The following MYRIP variants were observed in gnomAD, a reference collection of about 807,000 sequenced individuals.
MYRIP encodes rab effector MyRIP.
MYRIP carries 49 observed loss-of-function variants against 98.0 expected under a neutral mutation model. The observed-to-expected ratio is 0.50, with a 90% CI of 0.40 to 0.63. The LOEUF (loss-of-function observed/expected upper bound fraction) is 0.63. Ranked by LOEUF, MYRIP falls within the 30% of genes least tolerant of loss-of-function variation. The pLI is 0.00. For synonymous variants in MYRIP, 404 were observed against 409.5 expected (o/e 0.99, Z 0.16); for missense variants, 1,004 against 1,058.2 (o/e 0.95, Z 0.71).
At position 40,232,684 on chromosome 3, in the gene MYRIP, A is replaced by G. The variant is rs58146067; in HGVS notation, c.1906-1175A>G. Among the ~76,000 whole-genome samples the G allele has an allele frequency of 4.0e-3, 607 of 152,300 alleles. 2 individuals carry two copies. The highest frequency in any genetic ancestry group is 0.014 in the African/African-American group (587 of 41,568). The stretch of plus-strand genomic sequence containing the variant: ...GCCAAGCAACAGTGATCTCCAGCTT[A>G]TTGCATGATGCTATATGTTCAGATG... On this transcript the variant is annotated intron_variant, in intron 11 of 16. Coordinates refer to ENST00000302541, the MANE Select transcript of MYRIP (RefSeq NM_015460.4).
At chr3:40,020,077 A>T (rs1946955495) in intron 2 of MYRIP, among the ~76,000 whole-genome samples, 1 of 152,156 alleles carries the variant, frequency 6.6e-6, no homozygotes, top group African/African-American at 2.4e-5. Context: ...TGTGATACAG[A>T]TAATCCCCAT....
intron 11 of MYRIP, among the ~76,000 whole-genome samples, chr3:40,218,627 T>TA (rs1218264884): frequency 0.016 from 278 of 16,926 alleles, 7 homozygotes; most frequent in African/African-American, 0.024. Context: ...TATATATATA[T>TA]ATATATATAT....
At chr3:39,936,147 G>A (rs1944651608) in intron 2 of MYRIP, among the ~76,000 whole-genome samples, 1 of 152,066 alleles carries the variant, frequency 6.6e-6, no homozygotes, top group South Asian at 2.1e-4. Flanking sequence ...TACTAAACCA[G>A]TATTTCTTTT....
At chr3:40,090,221 G>A (rs983982264) in intron 3 of MYRIP, among the ~76,000 whole-genome samples, 5 of 151,994 alleles carry the variant, frequency 3.3e-5, no homozygotes, top group East Asian at 1.9e-4. Flanking sequence ...TGATGATCAC[G>A]GAGCCCTGTG....
At chr3:40,155,917 A>T (rs1313339870) in intron 4 of MYRIP, among the ~76,000 whole-genome samples, 1 of 151,654 alleles carries the variant, frequency 6.6e-6, no homozygotes, top group Admixed American at 6.6e-5. Flanking sequence ...AGTAGGTTGC[A>T]AAAATTTTCT....
intron 1 of MYRIP, among the ~76,000 whole-genome samples, chr3:39,839,145 T>C (rs1394852874): frequency 6.6e-6 from 1 of 152,158 alleles, no homozygotes; most frequent in Non-Finnish European, 1.5e-5. Flanking sequence ...AGCTCCTGGA[T>C]TCATTGATTT....
At chr3:40,205,572 T>TAG (rs1951769727) in intron 10 of MYRIP, among the ~76,000 whole-genome samples, 1 of 152,168 alleles carries the variant, frequency 6.6e-6, no homozygotes, top group Non-Finnish European at 1.5e-5. Context: ...TTACTTAAAA[T>TAG]GTTTTGTACC....
At chr3:40,237,585 A>G (rs1649818735) in intron 12 of MYRIP, among the ~76,000 whole-genome samples, 1 of 152,192 alleles carries the variant, frequency 6.6e-6, no homozygotes, top group South Asian at 2.1e-4. Context: ...AGCCTGACAC[A>G]GAGGAAGCAC....
intron 2 of MYRIP, among the ~76,000 whole-genome samples, chr3:39,967,569 G>C (rs1945470635): frequency 6.6e-6 from 1 of 152,114 alleles, no homozygotes. Context: ...CTTTATGGTA[G>C]ATGATTTATA....
intron 3 of MYRIP, among the ~76,000 whole-genome samples, chr3:40,139,915 T>C (rs1175236058): frequency 1.3e-5 from 2 of 152,216 alleles, no homozygotes; most frequent in Non-Finnish European, 2.9e-5. Flanking sequence ...ATAGTCCATT[T>C]GTGCATACAA....
chr3:39,994,087 C>A (rs931543843), intron 2 of MYRIP, among the ~76,000 whole-genome samples: 2 of 152,172 alleles, frequency 1.3e-5, no homozygotes, highest in African/African-American at 4.8e-5. Flanking sequence ...TAGGAACAGC[C>A]CCAGTCTACA....
chr3:39,860,834 G>A (rs1406543673), intron 1 of MYRIP, among the ~76,000 whole-genome samples: 1 of 152,202 alleles, frequency 6.6e-6, no homozygotes, highest in Admixed American at 6.5e-5. Flanking sequence ...CCATTGGCAT[G>A]TGTAGGCATG....
intron 2 of MYRIP, among the ~76,000 whole-genome samples, chr3:39,969,939 T>A (rs562305265): frequency 2.6e-5 from 4 of 152,262 alleles, no homozygotes; most frequent in South Asian, 4.1e-4. Flanking sequence ...GCTGAGAATC[T>A]ATCAGGTCCC....
At chr3:40,249,264 T>A (rs1040921787) in intron 13 of MYRIP, among the ~76,000 whole-genome samples, 1 of 152,204 alleles carries the variant, frequency 6.6e-6, no homozygotes, top group Non-Finnish European at 1.5e-5. Context: ...AGCAGAATCT[T>A]GACCTCTTCC....
chr3:39,922,456 GACCAACAAGC>G (rs1229072463), intron 2 of MYRIP, among the ~76,000 whole-genome samples: 18 of 152,312 alleles, frequency 1.2e-4, no homozygotes, highest in African/African-American at 3.9e-4. Context: ...TGGACAGCCA[GACCAACAAGC>G]ACCTGGAAGA....
At position 39,865,363 on chromosome 3, in the gene MYRIP, TAACAGAGTA is replaced by T. The variant is rs925004940; in HGVS notation, c.-30-35408_-30-35400del. On this transcript the variant is annotated intron_variant, in intron 1 of 16. Transcript: ENST00000302541. Reference sequence around the variant, plus strand: ...GAAACTATTAACAGAGTAAACAGAGTAACAGAGTAAACAGAGTAAACAGACAACCCACAG... The same window carrying T: ...GAAACTATTAACAGAGTAAACAGAGTAACAGAGTAAACAGACAACCCACAG... 3.2e-4 allele frequency among the ~76,000 whole-genome samples: 49 copies of T among 150,892 alleles called. 2 individuals carry two copies. The South Asian group carries it at 4.7e-3, about 15-fold the overall frequency.
intron 3 of MYRIP, among the ~76,000 whole-genome samples, chr3:40,104,839 T>C (rs900058948): frequency 6.6e-6 from 1 of 152,244 alleles, no homozygotes; most frequent in Non-Finnish European, 1.5e-5. Context: ...ATACTGTGCT[T>C]TATTTTTACA....
intron 1 of MYRIP, among the ~76,000 whole-genome samples, chr3:39,861,583 A>G (rs956763712): frequency 3.3e-5 from 5 of 152,182 alleles, no homozygotes; most frequent in African/African-American, 9.6e-5. Context: ...CAATCCAAGG[A>G]TGCTATTGAA....
Position 40,258,239 on chromosome 3 carries a change from C to G in MYRIP, c.*73C>G. ...GACAGTGCCTTGACCCAACAGCCAT[C>G]GAGTACTGTATGTATTTCCACCTGA... On this transcript the variant is annotated 3_prime_UTR_variant, in exon 17 of 17. Transcript: ENST00000302541. 1 of 1,558,698 alleles carries G rather than the reference C, an allele frequency of 6.4e-7. No individual in the cohort carries two copies. The highest frequency in any genetic ancestry group is 8.8e-7 in the Non-Finnish European group (1 of 1,129,978).
Sources: allele counts gnomAD v4.1 joint callset (sites outside exome capture counted in the v4.1 genomes callset), GRCh38; gene constraint gnomAD v4.1.1; transcripts MANE v1.5; gene names NCBI Gene and HGNC (gene_info 2026-07-23, HGNC 2026-07-21).